Variants in TAFA5 observed in about 807,000 individuals in gnomAD.
TAFA5 encodes the protein TAFA chemokine like family member 5, also known as chemokine-like protein TAFA-5.
A neutral mutation model predicts 15.3 loss-of-function variants in TAFA5; 6 were observed. The ratio of observed to expected loss-of-function variants is 0.39; its 90% confidence interval spans 0.21 to 0.77. The LOEUF (loss-of-function observed/expected upper bound fraction) is 0.77, where lower values mean the gene tolerates loss of function less well. Among genes scored for constraint, TAFA5 ranks in the 30% least tolerant of loss-of-function variants. The pLI is 0.41. For missense variants in TAFA5, 161 were observed against 193.1 expected, an observed-to-expected ratio of 0.83 and a Z score of 0.98; for synonymous variants, 103 against 80.7, an observed-to-expected ratio of 1.28 and a Z score of -1.48.
intron 3 of TAFA5, among the ~76,000 whole-genome samples, chr22:48,749,588 C>T (rs151295862): frequency 6.6e-6 from 1 of 152,274 alleles, no homozygotes; most frequent in Non-Finnish European, 1.5e-5. Context: ...AGGCCTCTGG[C>T]CGAGGCTGAC....
intron 2 of TAFA5, among the ~76,000 whole-genome samples, chr22:48,702,130 T>TGA (rs10595682): frequency 3.1e-5 from 3 of 97,606 alleles, no homozygotes; most frequent in Non-Finnish European, 6.4e-5. Flanking sequence ...TGTGTGTGAG[T>TGA]GTGTGTGTGT....
chr22:48,656,376 G>A (rs887520461), intron 2 of TAFA5, among the ~76,000 whole-genome samples: 6 of 151,986 alleles, frequency 3.9e-5, no homozygotes, highest in Non-Finnish European at 7.4e-5. Context: ...TGTGGTGGCA[G>A]GTGCCTGTAG....
intron 1 of TAFA5, among the ~76,000 whole-genome samples, chr22:48,642,583 G>A (rs553188248): frequency 6.6e-6 from 1 of 152,324 alleles, no homozygotes; most frequent in East Asian, 1.9e-4. Flanking sequence ...AGGCCGGCCT[G>A]GACCCCTCCC....
At chr22:48,575,929 G>GGGCGGCGGAGGAGGC (rs1000020703) in intron 1 of TAFA5, among the ~76,000 whole-genome samples, 1 of 143,532 alleles carries the variant, frequency 7.0e-6, no homozygotes, top group Non-Finnish European at 1.5e-5. Flanking sequence ...GAGCGAGCGC[G>GGGCGGCGGAGGAGGC]GGCGGCGGAG....
Position 48,629,030 on chromosome 22 carries a change from C to T in TAFA5, c.113-17567C>T, listed in dbSNP as rs570563710. Among the ~76,000 whole-genome samples, 378 of 152,240 alleles carry T rather than the reference C, an allele frequency of 2.5e-3. 3 individuals carry two copies. The highest frequency in any genetic ancestry group is 8.6e-3 in the African/African-American group (358 of 41,536). On this transcript the variant is annotated intron_variant, in intron 1 of 3. Transcript: ENST00000402357. ...GAGTGTGAGGGCCACAGCACACTCG[C>T]AGCTGCCGGGCAGAGGGGAAGCCCT...
intron 1 of TAFA5, among the ~76,000 whole-genome samples, chr22:48,589,761 A>G (rs1601599450): frequency 6.6e-6 from 1 of 152,104 alleles, no homozygotes; most frequent in African/African-American, 2.4e-5. Context: ...GCTGAGGAGC[A>G]CCCGCAGCCA....
intron 3 of TAFA5, among the ~76,000 whole-genome samples, chr22:48,733,073 T>C (rs130212): frequency 0.69 from 105,657 of 152,098 alleles, 37,801 homozygotes; most frequent in African/African-American, 0.77. Flanking sequence ...CTCTTGATCG[T>C]GATATTTACT....
chr22:48,513,537 C>T (rs1921299453), intron 1 of TAFA5, among the ~76,000 whole-genome samples: 1 of 152,218 alleles, frequency 6.6e-6, no homozygotes, highest in Non-Finnish European at 1.5e-5. Flanking sequence ...GTGACCAGAC[C>T]CATTTCAAGC....
chr22:48,582,979 T>G, intron 1 of TAFA5, among the ~76,000 whole-genome samples: 1 of 39,174 alleles, frequency 2.6e-5, no homozygotes, highest in Admixed American at 2.6e-4. Flanking sequence ...ACACACAAAA[T>G]ACACCACACA....
At chr22:48,524,104 T>G (rs1209062805) in intron 1 of TAFA5, among the ~76,000 whole-genome samples, 3 of 152,182 alleles carry the variant, frequency 2.0e-5, no homozygotes, top group Non-Finnish European at 4.4e-5. Flanking sequence ...TTTAGTCCAT[T>G]ATGGCTGCTT....
intron 1 of TAFA5, among the ~76,000 whole-genome samples, chr22:48,536,206 C>G (rs922720289): frequency 3.3e-5 from 5 of 152,250 alleles, no homozygotes; most frequent in Admixed American, 2.6e-4. Flanking sequence ...ACACACGTTT[C>G]CATTAATTAG....
intron 2 of TAFA5, among the ~76,000 whole-genome samples, chr22:48,679,759 G>T (rs1363980923): frequency 7.7e-6 from 1 of 130,294 alleles, no homozygotes; most frequent in African/African-American, 3.4e-5. Flanking sequence ...CCAGCTCCCC[G>T]TCCATCCCTC....
chr22:48,576,801 C>T (rs892879882), intron 1 of TAFA5, among the ~76,000 whole-genome samples: 7 of 151,636 alleles, frequency 4.6e-5, no homozygotes, highest in Admixed American at 4.6e-4. Context: ...GGCGCGGGGT[C>T]GGGGCGCGCT....
intron 1 of TAFA5, among the ~76,000 whole-genome samples, chr22:48,522,335 G>A (rs1225394544): frequency 6.6e-6 from 1 of 151,996 alleles, no homozygotes; most frequent in African/African-American, 2.4e-5. Context: ...GAGGCTCCCG[G>A]AATTCCGTCT....
chr22:48,730,663 G>A (rs892658572), intron 3 of TAFA5, among the ~76,000 whole-genome samples: 2 of 151,996 alleles, frequency 1.3e-5, no homozygotes, highest in Non-Finnish European at 2.9e-5. Context: ...TATCTGTTAC[G>A]GTGATCTGTG....
chr22:48,731,736 A>G (rs1929874696), intron 3 of TAFA5, among the ~76,000 whole-genome samples: 1 of 152,238 alleles, frequency 6.6e-6, no homozygotes, highest in Non-Finnish European at 1.5e-5. Context: ...ATTGCTGCTC[A>G]TTGACAATGC....
At chr22:48,511,188 C>T (rs1921196927) in intron 1 of TAFA5, among the ~76,000 whole-genome samples, 3 of 152,216 alleles carry the variant, frequency 2.0e-5, no homozygotes, top group Admixed American at 1.3e-4. Context: ...ACTCCCCTGT[C>T]GCTTCTTCTT....
Position 48,657,635 on chromosome 22 carries a change from C to T in TAFA5, c.262+10889C>T, listed in dbSNP as rs555258419. Among the ~76,000 whole-genome samples the T allele has an allele frequency of 2.0e-5, 3 of 152,324 alleles. No individual in the cohort carries two copies. The East Asian group carries it at 5.8e-4, about 29-fold the overall frequency. ...TTGGGTTTCGTGCATTCCCACAGTA[C>T]GCCTCATCCCTGAGGCACGTGTCTC... On this transcript the variant is annotated intron_variant, in intron 2 of 3. Transcript: ENST00000402357.
intron 1 of TAFA5, among the ~76,000 whole-genome samples, chr22:48,500,205 G>A (rs1232945797): frequency 1.3e-5 from 2 of 152,074 alleles, no homozygotes; most frequent in Non-Finnish European, 2.9e-5. Flanking sequence ...CTGTATCAGC[G>A]ATCCCAGCCT....
Sources: gnomAD v4.1 joint callset for allele counts (sites outside exome capture counted in the v4.1 genomes callset) on GRCh38, gnomAD v4.1.1 for gene constraint, MANE v1.5 for transcripts, NCBI Gene and HGNC (gene_info 2026-07-23, HGNC 2026-07-21) for gene names.